The following ACTN1 variants were observed in gnomAD, a reference collection of about 807,000 sequenced individuals.
The protein encoded by ACTN1 is alpha-actinin-1.
A neutral mutation model predicts 119.6 loss-of-function variants in ACTN1; 30 were observed. The ratio of observed to expected loss-of-function variants is 0.25; its 90% CI spans 0.19 to 0.34. The LOEUF is 0.34. ACTN1 is among the 10% of genes least tolerant of loss of function. The pLI, the probability that ACTN1 is intolerant of heterozygous loss-of-function variation, is 1.00. For synonymous variants in ACTN1, 429 were observed against 472.6 expected (o/e 0.91, Z 1.20); for missense variants, 764 against 1,223.4 (o/e 0.62, Z 5.60).
At chr14:68,966,480 C>T (rs2036709701) in intron 1 of ACTN1, among the ~76,000 whole-genome samples, 1 of 152,198 alleles carries the variant, frequency 6.6e-6, no homozygotes, top group Non-Finnish European at 1.5e-5. Context: ...CCTCGGGTCT[C>T]CTGAGGCCCC....
In ACTN1 at chr14:68,874,796, G is replaced by T; in HGVS notation, c.*63C>A. On this transcript the variant is annotated 3_prime_UTR_variant, in exon 22 of 22. Coordinates refer to ENST00000394419, the MANE Select transcript of ACTN1 (RefSeq NM_001130004.2). ...TGAAACCGAACCCAGGCAGGAGATG[G>T]GCGACGGCGGAGGTGCAAGGCAGGG... 1 of 1,439,332 alleles carries T rather than the reference G, an allele frequency of 6.9e-7. No individual in the cohort carries two copies. Among genetic ancestry groups the T allele is most frequent in the South Asian group, 1.6e-5 (1 of 62,992 alleles). The allele number at this position is 1,439,332 out of a possible 1,614,324, so 89.2% of individuals were successfully genotyped here.
At position 68,955,287 on chromosome 14, in the gene ACTN1, G is replaced by C. The variant is rs529561142; in HGVS notation, c.105+23665C>G. Among the ~76,000 whole-genome samples, 6 of 152,312 alleles carry C rather than the reference G, an allele frequency of 3.9e-5. No homozygotes were observed. In the East Asian group the frequency reaches 9.7e-4, roughly 25 times the overall value. On this transcript the variant is annotated intron_variant, in intron 1 of 21. Coordinates refer to ENST00000394419, the MANE Select transcript of ACTN1 (RefSeq NM_001130004.2). ...CCTAGGCTTCCCATTGCCTGGGAAT[G>C]TCTCAAGGGAGCTGTCTGAGTCTAT...
At chr14:68,902,613 C>G in intron 7 of ACTN1, 51 bp from the exon 8 acceptor site, 2 of 1,507,558 alleles carry the variant, frequency 1.3e-6, no homozygotes, top group Non-Finnish European at 1.8e-6. Context: ...GAACACCATA[C>G]ACCCCCGACG....
At chr14:68,939,423 G>C (rs957183815) in intron 1 of ACTN1, among the ~76,000 whole-genome samples, 1 of 152,168 alleles carries the variant, frequency 6.6e-6, no homozygotes, top group Non-Finnish European at 1.5e-5. Flanking sequence ...CTGTGGGCCA[G>C]AATGATGATG....
intron 1 of ACTN1, 53 bp downstream of exon 1, chr14:68,978,899 C>CGGGGCTGGGGGCTG (rs59714290): frequency 0.11 from 122,449 of 1,111,212 alleles, 9,212 homozygotes; most frequent in Admixed American, 0.23. Context: ...CAGAGCGGGT[C>CGGGGCTGGGGGCTG]GGGGCTGGGG....
chr14:68,891,232 A>G (rs1223153864), intron 10 of ACTN1, among the ~76,000 whole-genome samples: 1 of 152,170 alleles, frequency 6.6e-6, no homozygotes, highest in Non-Finnish European at 1.5e-5. Flanking sequence ...CGTCATGGCA[A>G]ATTTCTTACA....
chr14:68,971,617 CAT>C (rs1396824542), intron 1 of ACTN1, among the ~76,000 whole-genome samples: 2 of 152,228 alleles, frequency 1.3e-5, no homozygotes, highest in Non-Finnish European at 2.9e-5. Context: ...CATCATCCCA[CAT>C]ATCTTACAAG....
At chr14:68,884,061 T>A in intron 14 of ACTN1, 107 bp downstream of exon 14, 8 of 1,207,564 alleles carry the variant, frequency 6.6e-6, no homozygotes, top group Non-Finnish European at 9.0e-6. Flanking sequence ...GTCTATAAAA[T>A]CCTTAGGATG....
intron 6 of ACTN1, 122 bp from the exon 7 acceptor site, chr14:68,904,858 T>C (rs913114780): frequency 2.3e-5 from 17 of 734,818 alleles, no homozygotes; most frequent in Admixed American, 2.1e-4. Flanking sequence ...CCCAGCTCGA[T>C]CCTCAGGGGA....
At chr14:68,931,027 T>C (rs1207763374) in intron 1 of ACTN1, among the ~76,000 whole-genome samples, 1 of 152,134 alleles carries the variant, frequency 6.6e-6, no homozygotes, top group African/African-American at 2.4e-5. Flanking sequence ...TATTCACAAC[T>C]CAACCTCCTG....
intron 1 of ACTN1, among the ~76,000 whole-genome samples, chr14:68,942,613 T>TA (rs988087997): frequency 1.3e-5 from 2 of 152,242 alleles, no homozygotes; most frequent in Middle Eastern, 3.4e-3. Context: ...TTACACCTAA[T>TA]AGACAGGCAA....
At chr14:68,950,294 CAAAAAAAAAAAAAA>C (rs60899029) in intron 1 of ACTN1, among the ~76,000 whole-genome samples, 5 of 121,520 alleles carry the variant, frequency 4.1e-5, no homozygotes, top group African/African-American at 3.2e-5. Context: ...GTTGTTGTCT[CAAAAAAAAAAAAAA>C]AAAAAAAAAA....
chr14:68,909,813 T>A lies in ACTN1; in HGVS notation c.515+142A>T. The A allele has an allele frequency of 1.5e-6, 1 of 679,974 alleles. No homozygotes were observed. The allele number at this position is 679,974 out of a possible 1,614,324, so 42.1% of individuals were successfully genotyped here. On this transcript the variant is annotated intron_variant, in intron 5 of 21. Transcript: ENST00000394419. This position sits in a 1 kb window ranked among gnomAD's most constrained non-coding sequence, Gnocchi z 4.1. ...GGGGGGATTCAGAGCGATGGCGACA[T>A]CCCCTTCCCAAGGAAAGCTACTTCT...
intron 11 of ACTN1, among the ~76,000 whole-genome samples, chr14:68,888,466 C>T (rs891034585): frequency 4.6e-5 from 7 of 152,184 alleles, no homozygotes; most frequent in African/African-American, 1.7e-4. Context: ...TAACTCCATA[C>T]ACGCACAGTG....
chr14:68,876,833 T>C (rs184740550), intron 21 of ACTN1, among the ~76,000 whole-genome samples: 1 of 152,232 alleles, frequency 6.6e-6, no homozygotes, highest in African/African-American at 2.4e-5. Flanking sequence ...CGTCATTTCA[T>C]CCCAGCTATG....
intron 1 of ACTN1, among the ~76,000 whole-genome samples, chr14:68,973,221 C>T (rs2140693560): frequency 6.6e-6 from 1 of 152,292 alleles, no homozygotes; most frequent in South Asian, 2.1e-4. Context: ...ACTTGATGCC[C>T]AGCCTGGGGA....
intron 1 of ACTN1, among the ~76,000 whole-genome samples, chr14:68,933,613 C>T (rs912504387): frequency 6.6e-6 from 1 of 152,186 alleles, no homozygotes; most frequent in Non-Finnish European, 1.5e-5. Flanking sequence ...TGGCCCGGGG[C>T]AGAAGCAGCT....
At chr14:68,939,213 C>T (rs895465925) in intron 1 of ACTN1, among the ~76,000 whole-genome samples, 4 of 152,298 alleles carry the variant, frequency 2.6e-5, no homozygotes, top group East Asian at 1.9e-4. Context: ...GGTGGACACA[C>T]GATCCTAGTG....
intron 1 of ACTN1, among the ~76,000 whole-genome samples, chr14:68,965,688 G>C (rs768346805): frequency 2.0e-5 from 3 of 152,160 alleles, no homozygotes; most frequent in African/African-American, 4.8e-5. Context: ...ACCCTAAGCA[G>C]GTATTTCCAG....
Sources: allele counts gnomAD v4.1 joint callset (sites outside exome capture counted in the v4.1 genomes callset), GRCh38; gene constraint gnomAD v4.1.1; non-coding constraint Gnocchi (gnomAD v3.1); transcripts MANE v1.5; gene names NCBI Gene and HGNC (gene_info 2026-07-23, HGNC 2026-07-21).